The following ANKRD30A variants were observed in gnomAD, a reference collection of about 807,000 sequenced individuals.
The protein encoded by ANKRD30A is ankyrin repeat domain-containing protein 30A.
A neutral mutation model predicts 166.3 loss-of-function variants in ANKRD30A; 170 were observed. That is an observed-to-expected ratio of 1.02 (90% CI 0.90 to 1.16). ANKRD30A has a LOEUF of 1.16. ANKRD30A is among the 50% of genes most tolerant of loss of function. The probability of loss-of-function intolerance (pLI) is 0.00; values close to 1 mark genes in which losing one functional copy is unlikely to be tolerated. For synonymous variants in ANKRD30A, 564 were observed against 508.9 expected, an observed-to-expected ratio of 1.11 and a Z score of -1.46; for missense variants, 1,630 against 1,518.0, an observed-to-expected ratio of 1.07 and a Z score of -1.23.
Position 37,136,623 on chromosome 10 carries a change from A to G in ANKRD30A, c.772A>G (p.Met258Val), listed in dbSNP as rs753448468. The change falls in exon 6 of 36, where the codon ATG (methionine) becomes GTG (valine). Residue 258 changes from methionine to valine, a missense_variant. Around this residue, in one of 4 missense-constraint regions of ANKRD30A, gnomAD observed 904 missense variants for 818.5 expected, o/e 1.10. Coordinates refer to ENST00000361713, the MANE Select transcript of ANKRD30A (RefSeq NM_052997.3). Reference sequence around the variant, plus strand: ...TATACATAGCATTCATGAACAAATTATGGAATATATACGAAAATTATCTAA... The same window carrying G: ...TATACATAGCATTCATGAACAAATTGTGGAATATATACGAAAATTATCTAA... ...CGFHHIHEQI[M>V]EYIRKLSKNH... 58 of 1,395,248 alleles carry G rather than the reference A, an allele frequency of 4.2e-5. No homozygotes were observed. Among genetic ancestry groups the G allele is most frequent in the Non-Finnish European group, 5.3e-5 (54 of 1,013,396 alleles). The allele number at this position is 1,395,248 out of a possible 1,614,324, so 86.4% of individuals were successfully genotyped here.
the ANKRD30A span, among the ~76,000 whole-genome samples, chr10:37,258,429 A>G: frequency 6.6e-6 from 1 of 152,174 alleles, no homozygotes; most frequent in African/African-American, 2.4e-5. Context: ...GCAGAAGGAC[A>G]TACAAATAAA....
intron 16 of ANKRD30A, 31 bp downstream of exon 16, chr10:37,162,708 A>C: frequency 6.2e-7 from 1 of 1,612,960 alleles, no homozygotes; most frequent in Non-Finnish European, 8.5e-7. Flanking sequence ...ATTTTGAATG[A>C]CTTATTATCT....
rs540076720 is a variant in ANKRD30A, at chr10:37,219,201, A to G, written c.3489A>G (p.Gln1163=). 15 of 1,610,816 alleles carry G rather than the reference A, an allele frequency of 9.3e-6. No homozygotes were observed. The East Asian group carries it at 3.1e-4, about 34-fold the overall frequency. Residue 1163 remains glutamine, a synonymous_variant, in exon 34 of 36, where the codon CAA becomes CAG. Coordinates refer to ENST00000361713, the MANE Select transcript of ANKRD30A (RefSeq NM_052997.3). The stretch of plus-strand genomic sequence containing the variant: ...AATCATTAACTAAAAGGGCATCTCA[A>G]TATAGTGGGCAGCTTAAAGTTCTGA... ...KEESLTKRAS[Q]YSGQLKVLIA... is the part of the protein sequence containing the mutation.
intron 3 of ANKRD30A, among the ~76,000 whole-genome samples, chr10:37,131,466 G>T (rs1836374986): frequency 6.6e-6 from 1 of 152,074 alleles, no homozygotes; most frequent in Non-Finnish European, 1.5e-5. Flanking sequence ...AAACCCCATG[G>T]ACCATTTAAT....
At chr10:37,211,773 C>G in intron 31 of ANKRD30A, among the ~76,000 whole-genome samples, 1 of 152,226 alleles carries the variant, frequency 6.6e-6, no homozygotes, top group Middle Eastern at 3.4e-3. Flanking sequence ...ATTCCTATTT[C>G]TCTACATCCT....
the ANKRD30A span, among the ~76,000 whole-genome samples, chr10:37,260,506 A>G: frequency 6.6e-6 from 1 of 152,144 alleles, no homozygotes; most frequent in Non-Finnish European, 1.5e-5. Context: ...TTTATGATTA[A>G]TCTTCCCTTA....
chr10:37,145,831 C>A (rs1202246359), intron 8 of ANKRD30A, among the ~76,000 whole-genome samples: 2 of 152,262 alleles, frequency 1.3e-5, no homozygotes, highest in African/African-American at 4.8e-5. Context: ...ATTGACGTAT[C>A]TGTATTGTCC....
Position 37,193,183 on chromosome 10 carries a change from T to A in ANKRD30A, c.2542-3T>A, listed in dbSNP as rs760767253. Reference sequence around the variant, plus strand: ...TAATTGTTTTGTTTCTAAACCCATTTAGGCTCCCTGCAGAATGAAAGTTTC... The same window carrying A: ...TAATTGTTTTGTTTCTAAACCCATTAAGGCTCCCTGCAGAATGAAAGTTTC... On this transcript the variant is annotated splice_region_variant and splice_polypyrimidine_tract_variant and intron_variant, in intron 26 of 35. Transcript: ENST00000361713. 1.2e-6 allele frequency: 2 copies of A among 1,611,906 alleles called. No individual in the cohort carries two copies. The highest frequency in any genetic ancestry group is 2.7e-5 in the African/African-American group (2 of 74,738).
chr10:37,207,702 A>G (rs1402920572), intron 31 of ANKRD30A, among the ~76,000 whole-genome samples: 1 of 151,930 alleles, frequency 6.6e-6, no homozygotes, highest in East Asian at 1.9e-4. Flanking sequence ...CATTAGAAAG[A>G]GACTATATCA....
the ANKRD30A span, among the ~76,000 whole-genome samples, chr10:37,260,982 G>C: frequency 8.2e-6 from 1 of 122,380 alleles, no homozygotes; most frequent in Non-Finnish European, 1.7e-5. Flanking sequence ...TTGTACTCCA[G>C]CCTTAACATT....
At chr10:37,164,552 C>T (rs1298914330) in intron 17 of ANKRD30A, among the ~76,000 whole-genome samples, 3 of 152,062 alleles carry the variant, frequency 2.0e-5, no homozygotes, top group Non-Finnish European at 2.9e-5. Context: ...CATATACACA[C>T]GCAAAACACA....
Position 37,216,344 on chromosome 10 carries a change from A to G in ANKRD30A, c.3033A>G (p.Ser1011=). 1.9e-6 allele frequency: 3 copies of G among 1,607,962 alleles called. No individual in the cohort carries two copies. Among genetic ancestry groups the G allele is most frequent in the Non-Finnish European group, 2.6e-6 (3 of 1,176,228 alleles). The part of the protein sequence containing the change: ...KKLSEAKEIK[S]QLENQKVKWE... Reference sequence around the variant, plus strand: ...TGTCAGAAGCAAAAGAAATAAAATCACAGTTAGAGAACCAAAAAGTTAAAT... The same window carrying G: ...TGTCAGAAGCAAAAGAAATAAAATCGCAGTTAGAGAACCAAAAAGTTAAAT... Residue 1011 remains serine (S), a synonymous_variant, in exon 32 of 36, where the codon TCA becomes TCG. Transcript: ENST00000361713.
At chr10:37,220,236 G>A (rs1381132841) in intron 34 of ANKRD30A, among the ~76,000 whole-genome samples, 1 of 150,382 alleles carries the variant, frequency 6.6e-6, no homozygotes, top group Non-Finnish European at 1.5e-5. Context: ...AGGTTTTAAT[G>A]TCTCTTTGTG....
chr10:37,205,553 A>C (rs551615880), intron 31 of ANKRD30A, among the ~76,000 whole-genome samples: 18 of 152,344 alleles, frequency 1.2e-4, no homozygotes, highest in Middle Eastern at 3.4e-3. Flanking sequence ...ACATATGTAA[A>C]AAACCTGCAC....
Position 37,217,902 on chromosome 10 carries a change from T to G in ANKRD30A, c.3267+24T>G, listed in dbSNP as rs1469467153. ...AGGTAAATCAATCTCTGATAAAAAT[T>G]TTATATTTCTAACTTTATTTCATCA... On this transcript the variant is annotated intron_variant, in intron 33 of 35. Transcript: ENST00000361713. 4.8e-6 allele frequency: 7 copies of G among 1,453,390 alleles called. No individual in the cohort carries two copies. In the East Asian group the frequency reaches 1.5e-4, roughly 32 times the overall value. The allele number at this position is 1,453,390 out of a possible 1,614,324, so 90.0% of individuals were successfully genotyped here.
chr10:37,147,044 C>T (rs1460021135), intron 8 of ANKRD30A, among the ~76,000 whole-genome samples: 1 of 152,204 alleles, frequency 6.6e-6, no homozygotes, highest in Non-Finnish European at 1.5e-5. Flanking sequence ...GATGTGCCTT[C>T]TTGATTTTTG....
chr10:37,209,806 A>G (rs1842186818), intron 31 of ANKRD30A, among the ~76,000 whole-genome samples: 2 of 151,688 alleles, frequency 1.3e-5, no homozygotes, highest in Non-Finnish European at 2.9e-5. Context: ...CAGGTTAACT[A>G]TTTTTTCTTG....
chr10:37,235,718 A>G (rs757510984), downstream of ANKRD30A, among the ~76,000 whole-genome samples: 1 of 137,272 alleles, frequency 7.3e-6, no homozygotes, highest in African/African-American at 2.7e-5. Flanking sequence ...TGAATATTGT[A>G]TTTGTTGGGC....
At chr10:37,135,014 G>T (rs1471875773) in intron 5 of ANKRD30A, among the ~76,000 whole-genome samples, 1 of 152,088 alleles carries the variant, frequency 6.6e-6, no homozygotes, top group African/African-American at 2.4e-5. Flanking sequence ...TTTGTAGTGG[G>T]TTCCAACTTG....
Sources: allele counts gnomAD v4.1 joint callset (sites outside exome capture counted in the v4.1 genomes callset), GRCh38; gene constraint gnomAD v4.1.1; regional missense constraint gnomAD v4.1.1; transcripts MANE v1.5; gene names NCBI Gene and HGNC (gene_info 2026-07-23, HGNC 2026-07-21).